TMEM178B: variants seen among roughly 807,000 people sequenced by gnomAD.
TMEM178B encodes the protein transmembrane protein 178B.
Under a neutral mutation model 31.0 loss-of-function variants are expected in TMEM178B, and 5 were observed. The ratio of observed to expected loss-of-function variants is 0.16; its 90% CI spans 0.08 to 0.34. The LOEUF (loss-of-function observed/expected upper bound fraction) is 0.34, where lower values mean the gene tolerates loss of function less well. Among genes scored for constraint, TMEM178B ranks in the 10% least tolerant of loss-of-function variants. The pLI, the probability that TMEM178B is intolerant of heterozygous loss-of-function variation, is 1.00. For synonymous variants in TMEM178B, 164 were observed against 164.0 expected (o/e 1.00, Z 0.00); for missense variants, 275 against 400.3 (o/e 0.69, Z 2.67).
intron 1 of TMEM178B, among the ~76,000 whole-genome samples, chr7:141,169,144 G>A (rs10282021): frequency 0.74 from 112,471 of 152,144 alleles, 42,242 homozygotes; most frequent in African/African-American, 0.84. Flanking sequence ...TTTATCACTC[G>A]GGTATTGAGC....
intron 3 of TMEM178B, among the ~76,000 whole-genome samples, chr7:141,455,818 C>A (rs1801952081): frequency 6.6e-6 from 1 of 152,230 alleles, no homozygotes; most frequent in Admixed American, 6.5e-5. Context: ...CAGAGAAAGG[C>A]TAGGGCCAAG....
chr7:141,395,249 G>C (rs1394339525), intron 2 of TMEM178B, among the ~76,000 whole-genome samples: 1 of 151,828 alleles, frequency 6.6e-6, no homozygotes, highest in African/African-American at 2.4e-5. Context: ...TCCAAACCTG[G>C]GCAATATGGT....
chr7:141,349,199 A>G (rs1586906675), intron 2 of TMEM178B, among the ~76,000 whole-genome samples: 1 of 152,166 alleles, frequency 6.6e-6, no homozygotes, highest in African/African-American at 2.4e-5. Context: ...TCTGATTTAT[A>G]TATTGAGTAT....
intron 1 of TMEM178B, among the ~76,000 whole-genome samples, chr7:141,170,288 C>T (rs945983218): frequency 6.6e-6 from 1 of 152,132 alleles, no homozygotes; most frequent in African/African-American, 2.4e-5. Context: ...TCTGAATAGT[C>T]CCTGGATAGA....
At chr7:141,258,799 G>T (rs949304212) in intron 2 of TMEM178B, among the ~76,000 whole-genome samples, 11 of 151,954 alleles carry the variant, frequency 7.2e-5, no homozygotes, top group African/African-American at 2.7e-4. Flanking sequence ...CTGTCTTCTG[G>T]CCTACTGTTT....
chr7:141,496,834 G>T, the TMEM178B span, among the ~76,000 whole-genome samples: 1 of 152,094 alleles, frequency 6.6e-6, no homozygotes, highest in Non-Finnish European at 1.5e-5. Flanking sequence ...TCAATGTTGA[G>T]TCTCTGTGTT....
chr7:141,375,282 G>A (rs1345882280), intron 2 of TMEM178B, among the ~76,000 whole-genome samples: 1 of 152,188 alleles, frequency 6.6e-6, no homozygotes, highest in Non-Finnish European at 1.5e-5. Flanking sequence ...TGTGGTCCAT[G>A]TTTGAAACTG....
chr7:141,358,125 A>G (rs1000764914), intron 2 of TMEM178B, among the ~76,000 whole-genome samples: 2 of 152,294 alleles, frequency 1.3e-5, no homozygotes, highest in African/African-American at 4.8e-5. Flanking sequence ...CCTTATTTCC[A>G]ATATATATTT....
At chr7:141,093,409 C>G (rs1417384522) in intron 1 of TMEM178B, among the ~76,000 whole-genome samples, 4 of 152,178 alleles carry the variant, frequency 2.6e-5, no homozygotes, top group African/African-American at 9.7e-5. Context: ...TGAAGATCTA[C>G]TATTTTGTGT....
At chr7:141,300,058 A>G (rs1430016487) in intron 2 of TMEM178B, among the ~76,000 whole-genome samples, 3 of 152,220 alleles carry the variant, frequency 2.0e-5, no homozygotes, top group African/African-American at 4.8e-5. Context: ...TGATGGGATT[A>G]TAGGTGTGAG....
intron 2 of TMEM178B, among the ~76,000 whole-genome samples, chr7:141,403,954 C>G (rs1365697063): frequency 3.3e-5 from 5 of 152,160 alleles, no homozygotes; most frequent in South Asian, 2.1e-4. Context: ...GTGTTTACCC[C>G]CAATGTGTTA....
chr7:141,122,028 C>T (rs768047315), intron 1 of TMEM178B, among the ~76,000 whole-genome samples: 4 of 152,026 alleles, frequency 2.6e-5, no homozygotes, highest in East Asian at 1.9e-4. Context: ...TGGTAGATTT[C>T]GTGAGGGTAG....
At chr7:141,460,365 A>G (rs1324638637) in intron 3 of TMEM178B, among the ~76,000 whole-genome samples, 1 of 152,164 alleles carries the variant, frequency 6.6e-6, no homozygotes, top group African/African-American at 2.4e-5. Flanking sequence ...CTCCTCTTAT[A>G]AGGACACCTG....
chr7:141,429,518 G>T (rs1294800240), intron 2 of TMEM178B, among the ~76,000 whole-genome samples: 1 of 152,198 alleles, frequency 6.6e-6, no homozygotes, highest in Admixed American at 6.5e-5. Context: ...ATAGAACAGT[G>T]GTTACCAGAG....
chr7:141,270,693 C>A (rs138988247), intron 2 of TMEM178B, among the ~76,000 whole-genome samples: 2 of 152,332 alleles, frequency 1.3e-5, no homozygotes, highest in African/African-American at 4.8e-5. Context: ...AAGATAAATT[C>A]TCTTCACAAG....
At chr7:141,205,973 G>A (rs984861933) in intron 1 of TMEM178B, among the ~76,000 whole-genome samples, 1 of 152,140 alleles carries the variant, frequency 6.6e-6, no homozygotes, top group Non-Finnish European at 1.5e-5. Flanking sequence ...AGCCTCCTGG[G>A]GCTACTGTGT....
At chr7:141,239,332 G>A (rs1981699) in intron 2 of TMEM178B, among the ~76,000 whole-genome samples, 116,533 of 152,032 alleles carry the variant, frequency 0.77, 44,765 homozygotes, top group Middle Eastern at 0.89. Context: ...GCAGGGGAGC[G>A]GGACTGGTCA....
intron 2 of TMEM178B, among the ~76,000 whole-genome samples, chr7:141,283,272 C>T (rs781233118): frequency 3.3e-5 from 5 of 152,226 alleles, no homozygotes; most frequent in Non-Finnish European, 4.4e-5. Flanking sequence ...CTTCTTCCTC[C>T]TGTGGTTGCC....
At chr7:141,355,892 A>G (rs1799810122) in intron 2 of TMEM178B, among the ~76,000 whole-genome samples, 1 of 152,020 alleles carries the variant, frequency 6.6e-6, no homozygotes, top group Non-Finnish European at 1.5e-5. Flanking sequence ...TAGTAGTCAC[A>G]TTGTCTATTG....
Sources: allele counts gnomAD v4.1 joint callset (sites outside exome capture counted in the v4.1 genomes callset), GRCh38; gene constraint gnomAD v4.1.1; transcripts MANE v1.5; gene names NCBI Gene and HGNC (gene_info 2026-07-23, HGNC 2026-07-21).